SLC35D4: variants seen among roughly 807,000 people sequenced by gnomAD.
SLC35D4 encodes solute carrier family 35 member D4.
chr18:23,432,448 C>T, the SLC35D4 span, among the ~76,000 whole-genome samples: 11 of 152,108 alleles, frequency 7.2e-5, no homozygotes, highest in East Asian at 1.9e-4. Flanking sequence ...TTTGGGAAGC[C>T]GAGGCGGGAG....
At chr18:23,264,289 G>A in the SLC35D4 span, among the ~76,000 whole-genome samples, 3 of 151,992 alleles carry the variant, frequency 2.0e-5, no homozygotes, top group Admixed American at 6.6e-5. Flanking sequence ...AAGGCAAAGC[G>A]GGAACAGGCA....
the SLC35D4 span, among the ~76,000 whole-genome samples, chr18:23,322,543 T>C: frequency 6.6e-6 from 1 of 152,234 alleles, no homozygotes; most frequent in Non-Finnish European, 1.5e-5. Context: ...AACTTTTCTC[T>C]GGTGCTTACA....
chr18:23,329,376 C>T, the SLC35D4 span, among the ~76,000 whole-genome samples: 1 of 152,070 alleles, frequency 6.6e-6, no homozygotes, highest in Non-Finnish European at 1.5e-5. Flanking sequence ...AACAAACCAC[C>T]CCATCAATAA....
chr18:23,378,581 T>C, the SLC35D4 span, among the ~76,000 whole-genome samples: 1 of 152,260 alleles, frequency 6.6e-6, no homozygotes, highest in African/African-American at 2.4e-5. Context: ...TTCCTTTTGA[T>C]GAGTCAGTTT....
the SLC35D4 span, among the ~76,000 whole-genome samples, chr18:23,239,856 G>A: frequency 2.0e-4 from 31 of 152,308 alleles, 1 homozygote; most frequent in South Asian, 5.0e-3. Flanking sequence ...GGTGGCTCAC[G>A]CCTGTAATCC....
the SLC35D4 span, among the ~76,000 whole-genome samples, chr18:23,371,935 G>GTTTTTGTTTTT: frequency 8.5e-5 from 3 of 35,478 alleles, no homozygotes; most frequent in East Asian, 9.1e-4. Context: ...TGTTTTTTTT[G>GTTTTTGTTTTT]TTTTTTTTTT....
chr18:23,257,704 C>T, the SLC35D4 span: 1 of 219,974 alleles, frequency 4.5e-6, no homozygotes, highest in Non-Finnish European at 8.7e-6. Flanking sequence ...CCAGGGCCTT[C>T]TCCAGATCTG....
the SLC35D4 span, among the ~76,000 whole-genome samples, chr18:23,301,948 T>C: frequency 1.3e-5 from 2 of 152,264 alleles, no homozygotes; most frequent in South Asian, 2.1e-4. Flanking sequence ...ATTGGCTGGA[T>C]GACAGCAGTT....
the SLC35D4 span, among the ~76,000 whole-genome samples, chr18:23,295,672 A>G: frequency 6.6e-6 from 1 of 152,182 alleles, no homozygotes; most frequent in African/African-American, 2.4e-5. Context: ...ATCCATTGCT[A>G]GTTGTTTCTT....
the SLC35D4 span, among the ~76,000 whole-genome samples, chr18:23,374,479 T>C: frequency 1.3e-5 from 2 of 151,252 alleles, no homozygotes; most frequent in African/African-American, 4.9e-5. Flanking sequence ...AAAAGAGATA[T>C]GACATCTTTT....
the SLC35D4 span, among the ~76,000 whole-genome samples, chr18:23,280,949 G>A: frequency 2.6e-5 from 4 of 151,904 alleles, no homozygotes; most frequent in African/African-American, 7.2e-5. Context: ...TCCCACCCAC[G>A]CCTCTCCCCA....
the SLC35D4 span, among the ~76,000 whole-genome samples, chr18:23,293,266 T>G: frequency 6.6e-6 from 1 of 151,918 alleles, no homozygotes; most frequent in Non-Finnish European, 1.5e-5. Context: ...AATGAATGAA[T>G]GAATATAAAT....
chr18:23,426,466 TGA>T, the SLC35D4 span, among the ~76,000 whole-genome samples: 1 of 152,170 alleles, frequency 6.6e-6, no homozygotes, highest in Admixed American at 6.5e-5. Context: ...ACAAGGGATG[TGA>T]AGGACCTCTC....
At chr18:23,270,266 C>G in the SLC35D4 span, among the ~76,000 whole-genome samples, 1,064 of 152,330 alleles carry the variant, frequency 7.0e-3, 14 homozygotes, top group African/African-American at 0.024. Flanking sequence ...GCCTTGGTAG[C>G]TTACACATGG....
chr18:23,305,221 T>C, the SLC35D4 span, among the ~76,000 whole-genome samples: 13 of 152,366 alleles, frequency 8.5e-5, no homozygotes, highest in Middle Eastern at 3.4e-3. Flanking sequence ...TGTCTTGTCC[T>C]GGGTGACGCT....
chr18:23,307,382 C>G, the SLC35D4 span, among the ~76,000 whole-genome samples: 270 of 152,334 alleles, frequency 1.8e-3, 1 homozygote, highest in African/African-American at 6.3e-3. Context: ...TCCCTGCAGA[C>G]CACAACCCAA....
At chr18:23,373,853 G>A in the SLC35D4 span, 4 of 1,417,548 alleles carry the variant, frequency 2.8e-6, no homozygotes, top group Non-Finnish European at 2.9e-6. Flanking sequence ...ATCCTCTGGA[G>A]TTGGATGAGG....
At chr18:23,286,323 A>G in the SLC35D4 span, among the ~76,000 whole-genome samples, 1 of 152,230 alleles carries the variant, frequency 6.6e-6, no homozygotes, top group Non-Finnish European at 1.5e-5. Flanking sequence ...TACAAGTGCC[A>G]GAAATCTGGC....
the SLC35D4 span, among the ~76,000 whole-genome samples, chr18:23,331,835 G>A: frequency 6.8e-6 from 1 of 147,650 alleles, no homozygotes; most frequent in Non-Finnish European, 1.5e-5. Context: ...ATTTCATCTA[G>A]TTAGGTGCTA....
Sources: gnomAD v4.1 joint callset for allele counts (sites outside exome capture counted in the v4.1 genomes callset) on GRCh38, gnomAD v4.1.1 for gene constraint, MANE v1.5 for transcripts, NCBI Gene and HGNC (gene_info 2026-07-23, HGNC 2026-07-21) for gene names.